SREBF1: variants seen among roughly 807,000 people sequenced by gnomAD.
The protein encoded by SREBF1 is sterol regulatory element binding transcription factor 1, also known as sterol regulatory element-binding protein 1.
In SREBF1, 45 loss-of-function variants were observed where a neutral mutation model predicts 100.1. The ratio of observed to expected loss-of-function variants is 0.45; its 90% CI spans 0.35 to 0.58. SREBF1 has a LOEUF of 0.58. Among genes scored for constraint, SREBF1 ranks in the 20% least tolerant of loss-of-function variants. The pLI, the probability that SREBF1 is intolerant of heterozygous loss-of-function variation, is 0.00. For synonymous variants in SREBF1, 657 were observed against 681.8 expected, an observed-to-expected ratio of 0.96 and a Z score of 0.57; for missense variants, 1,324 against 1,539.4, an observed-to-expected ratio of 0.86 and a Z score of 2.34.
chr17:17,829,449 G>A (rs1415455820), intron 1 of SREBF1, among the ~76,000 whole-genome samples: 1 of 151,920 alleles, frequency 6.6e-6, no homozygotes, highest in African/African-American at 2.4e-5. Context: ...CACCGGCACT[G>A]GGTGATGGTC....
Position 17,820,480 on chromosome 17 carries a change from C to T in SREBF1, c.133G>A (p.Gly45Ser), listed in dbSNP as rs760291795. 1 of 1,614,048 alleles carries T rather than the reference C, an allele frequency of 6.2e-7. No individual in the cohort carries two copies. Among genetic ancestry groups the T allele is most frequent in the South Asian group, 1.1e-5 (1 of 91,084 alleles). Residue 45 changes from glycine (G) to serine (S), a missense_variant, in exon 2 of 19, where the codon GGC becomes AGC. Physicochemically the swap from Gly to Ser is moderately conservative, Grantham distance 56. Coordinates refer to ENST00000261646, the MANE Select transcript of SREBF1 (RefSeq NM_004176.5). The part of the protein sequence containing the change: ...LINNQDSDFP[G>S]LFDPPYAGSG... ...CCAGCATAGGGTGGGTCAAATAGGCCAGGGAAGTCACTGTCTTGGTTGTTG... is the reference window on the plus strand; with the variant it reads ...CCAGCATAGGGTGGGTCAAATAGGCTAGGGAAGTCACTGTCTTGGTTGTTG...
rs901559046 is a variant in SREBF1, at chr17:17,823,395, C to A, written c.92-2874G>T. The A allele has an allele frequency of 1.6e-5, 13 of 799,114 alleles. No homozygotes were observed. The African/African-American group carries it at 2.0e-4, about 13-fold the overall frequency. 49.5% of individuals were successfully genotyped at this position (799,114 alleles called of 1,614,324 possible). A position where few individuals can be genotyped will look rare whatever the true frequency, so the allele number is the denominator to read the frequency against. On this transcript the variant is annotated intron_variant, in intron 1 of 18. Transcript: ENST00000261646. The stretch of plus-strand genomic sequence containing the variant: ...AGCGAGCTGGTAACTGTCACACCTT[C>A]TCCCTCGGGAAGGGGCTCTTTCCTG...
intron 2 of SREBF1, 71 bp downstream of exon 2, chr17:17,820,019 A>G (rs2033968631): frequency 6.7e-7 from 1 of 1,490,778 alleles, no homozygotes. Flanking sequence ...CTCACATCAC[A>G]GCAGAAGCTT....
At position 17,812,527 on chromosome 17, in the gene SREBF1, C is replaced by T. The variant is rs1304936506; in HGVS notation, c.*95G>A. 15 of 1,302,512 alleles carry T rather than the reference C, an allele frequency of 1.2e-5. No homozygotes were observed. The highest frequency in any genetic ancestry group is 1.6e-5 in the Non-Finnish European group (15 of 935,642). 80.7% of individuals were successfully genotyped at this position (1,302,512 alleles called of 1,614,324 possible). A position where few individuals can be genotyped will look rare whatever the true frequency, so the allele number is the denominator to read the frequency against. ...GAACTGTGGAGGCCAGAGTCTCTTG[C>T]ACTGCCTTCGGCCTTCAAAGCTTCG... On this transcript the variant is annotated 3_prime_UTR_variant, in exon 19 of 19. Coordinates refer to ENST00000261646, the MANE Select transcript of SREBF1 (RefSeq NM_004176.5).
Position 17,833,450 on chromosome 17 carries a change from AATATATAT to A in SREBF1, c.91+3269_91+3276del, listed in dbSNP as rs1555573429. Among the ~76,000 whole-genome samples the A allele has an allele frequency of 4.2e-4, 20 of 47,528 alleles. No homozygotes were observed. The East Asian group carries it at 6.4e-3, about 15-fold the overall frequency. 31.2% of individuals were successfully genotyped at this position (47,528 alleles called of 152,430 possible). A position where few individuals can be genotyped will look rare whatever the true frequency, so the allele number is the denominator to read the frequency against. ...AAAAAAAAAAAAAAAAAAAAAAAAA[AATATATAT>A]ATATATATATATATATACACACACA... On this transcript the variant is annotated intron_variant, in intron 1 of 18. Coordinates refer to ENST00000261646, the MANE Select transcript of SREBF1 (RefSeq NM_004176.5).
At position 17,812,573 on chromosome 17, in the gene SREBF1, G is replaced by T. The variant is rs1211486874; in HGVS notation, c.*49C>A. ...CTTCGACGCAGGACAGAAGCTGCAC[G>T]GGACCAAAGTGGCTAGAGACAGGGG... On this transcript the variant is annotated 3_prime_UTR_variant, in exon 19 of 19. Coordinates refer to ENST00000261646, the MANE Select transcript of SREBF1 (RefSeq NM_004176.5). The T allele has an allele frequency of 6.5e-7, 1 of 1,540,978 alleles. No homozygotes were observed. The highest frequency in any genetic ancestry group is 8.8e-7 in the Non-Finnish European group (1 of 1,135,064).
intron 1 of SREBF1, among the ~76,000 whole-genome samples, chr17:17,831,918 A>T (rs2034886486): frequency 6.6e-6 from 1 of 152,172 alleles, no homozygotes; most frequent in African/African-American, 2.4e-5. Flanking sequence ...GATGGGGCCC[A>T]AGGCCCTTGG....
At position 17,823,984 on chromosome 17, in the gene SREBF1, A is replaced by C. The variant is rs973844051; in HGVS notation, c.92-3463T>G. Among the ~76,000 whole-genome samples, 12 of 152,296 alleles carry C rather than the reference A, an allele frequency of 7.9e-5. No individual in the cohort carries two copies. The East Asian group carries it at 2.3e-3, about 29-fold the overall frequency. ...GCCCCCTTCGTTAAAGGGTCAAAGCAGAGAAGTCCTGGCCCAACACACCAG... is the reference window on the plus strand; with the variant it reads ...GCCCCCTTCGTTAAAGGGTCAAAGCCGAGAAGTCCTGGCCCAACACACCAG... On this transcript the variant is annotated intron_variant, in intron 1 of 18. Transcript: ENST00000261646.
At chr17:17,831,051 G>A (rs2034828770) in intron 1 of SREBF1, among the ~76,000 whole-genome samples, 1 of 152,244 alleles carries the variant, frequency 6.6e-6, no homozygotes, top group African/African-American at 2.4e-5. Flanking sequence ...TGTCCAGCTA[G>A]GTGAATGTTG....
At chr17:17,829,028 A>T (rs1012226502) in intron 1 of SREBF1, among the ~76,000 whole-genome samples, 8 of 151,788 alleles carry the variant, frequency 5.3e-5, no homozygotes, top group African/African-American at 1.9e-4. Flanking sequence ...TCCAGCCTCT[A>T]CTAAAAATAC....
chr17:17,817,442 GCTGCTCTGGCTTTGC>G lies in SREBF1; in HGVS notation c.1405_1419del (p.Ala469_Gln473del). 6.3e-7 allele frequency: 1 copy of G among 1,584,490 alleles called. No homozygotes were observed. The highest frequency in any genetic ancestry group is 8.6e-7 in the Non-Finnish European group (1 of 1,165,254). ...ATGCCCCGGCTGTGCAGAGACGGCC[GCTGCTCTGGCTTTGC>G]CTGGTGGGGTTGGGCAGGGTGGTGA... On this transcript the variant is annotated inframe_deletion and splice_region_variant, in exon 8 of 19. Transcript: ENST00000261646. This position sits in a 1 kb window ranked among gnomAD's most constrained non-coding sequence, Gnocchi z 6.6.
At chr17:17,828,738 A>C (rs1481010983) in intron 1 of SREBF1, among the ~76,000 whole-genome samples, 3 of 152,104 alleles carry the variant, frequency 2.0e-5, no homozygotes, top group African/African-American at 7.2e-5. Flanking sequence ...CAATGTAGCA[A>C]GGCCCCATCT....
intron 1 of SREBF1, among the ~76,000 whole-genome samples, chr17:17,827,174 G>A (rs1456843657): frequency 6.6e-6 from 1 of 152,216 alleles, no homozygotes; most frequent in Non-Finnish European, 1.5e-5. Flanking sequence ...GCAGTGAGGG[G>A]GTGGAGGCCA....
chr17:17,834,211 C>A (rs1021021202), intron 1 of SREBF1, among the ~76,000 whole-genome samples: 26 of 152,164 alleles, frequency 1.7e-4, no homozygotes, highest in African/African-American at 6.3e-4. Flanking sequence ...CCCACTTCAG[C>A]CTCCAGAGTA....
chr17:17,834,470 GA>G lies in SREBF1; in HGVS notation c.91+2256del, dbSNP rs374591664. Among the ~76,000 whole-genome samples, 362 of 152,338 alleles carry G rather than the reference GA, an allele frequency of 2.4e-3. 4 individuals carry two copies. The highest frequency in any genetic ancestry group is 8.3e-3 in the African/African-American group (346 of 41,562). On this transcript the variant is annotated intron_variant, in intron 1 of 18. Coordinates refer to ENST00000261646, the MANE Select transcript of SREBF1 (RefSeq NM_004176.5). ...GAAAAAAGATGTGTGTAATTGGGAA[GA>G]AAAACAGGAAGTTTGAATAAAAACT...
Position 17,815,959 on chromosome 17 carries a change from A to G in SREBF1, c.2284T>C (p.Trp762Arg). ...CGGTGGCCCACGGGGTGGCAGAGCC[A>G]CTGCATGGCAGGAGGCACTGAGCCA... The part of the protein sequence containing the change: ...QSGSVPPAMQ[W>R]LCHPVGHRFF... The change falls in exon 12 of 19, where the codon TGG (tryptophan) becomes CGG (arginine). Residue 762 changes from tryptophan (W) to arginine (R), a missense_variant. Physicochemically the swap from Trp to Arg is moderately radical, Grantham distance 101. Transcript: ENST00000261646. 1 of 1,612,872 alleles carries G rather than the reference A, an allele frequency of 6.2e-7. No individual in the cohort carries two copies.
rs1567989924 is a variant in SREBF1 at position 17,829,232 on chromosome 17, A to ATG, written c.91+7494_91+7495insCA. On this transcript the variant is annotated intron_variant, in intron 1 of 18. Coordinates refer to ENST00000261646, the MANE Select transcript of SREBF1 (RefSeq NM_004176.5). ...TATATATATATATATATATATATAT[A>ATG]TATGTATACACACACACACACACAC... Among the ~76,000 whole-genome samples the ATG allele has an allele frequency of 6.5e-4, 82 of 125,948 alleles. 5 individuals are homozygous for ATG. The highest frequency in any genetic ancestry group is 3.1e-3 in the African/African-American group (80 of 25,760). The allele number at this position is 125,948 out of a possible 152,430, so 82.6% of individuals were successfully genotyped here.
In SREBF1 at chr17:17,836,934, C is replaced by G. The variant is rs968791353; in HGVS notation, c.-117G>C. On this transcript the variant is annotated 5_prime_UTR_variant, in exon 1 of 19. Transcript: ENST00000261646. ...CCGCCGCCGCTCCGCGCGTTCGTGT[C>G]CTGCCCTGGCCTCAGAGGCGGCCCG... The G allele has an allele frequency of 8.3e-5, 77 of 925,716 alleles. No individual in the cohort carries two copies. The African/African-American group carries it at 1.3e-3, about 15-fold the overall frequency. The allele number at this position is 925,716 out of a possible 1,614,324, so 57.3% of individuals were successfully genotyped here. A position where few individuals can be genotyped will look rare whatever the true frequency, so the allele number is the denominator to read the frequency against.
chr17:17,825,151 G>A (rs1461418455), intron 1 of SREBF1, among the ~76,000 whole-genome samples: 1 of 152,212 alleles, frequency 6.6e-6, no homozygotes, highest in East Asian at 1.9e-4. Context: ...TCTGAGCCTA[G>A]AATGTGGTGA....
Sources: gnomAD v4.1 joint callset for allele counts (sites outside exome capture counted in the v4.1 genomes callset) on GRCh38, gnomAD v4.1.1 for gene constraint, Gnocchi (gnomAD v3.1) non-coding constraint, MANE v1.5 for transcripts, NCBI Gene and HGNC (gene_info 2026-07-23, HGNC 2026-07-21) for gene names.